Variants in KCNIP4 observed in about 807,000 individuals in gnomAD.
KCNIP4 encodes the protein Kv channel-interacting protein 4.
In KCNIP4, 12 loss-of-function variants were observed where a neutral mutation model predicts 34.0. That is an observed-to-expected ratio of 0.35 (90% confidence interval 0.23 to 0.57). The LOEUF is 0.57. Among genes scored for constraint, KCNIP4 ranks in the 20% least tolerant of loss-of-function variants. The pLI is 0.83. For synonymous variants in KCNIP4, 124 were observed against 102.2 expected, an observed-to-expected ratio of 1.21 and a Z score of -1.29; for missense variants, 238 against 311.7, an observed-to-expected ratio of 0.76 and a Z score of 1.78.
At chr4:21,393,448 AG>A (rs992238936) in intron 1 of KCNIP4, among the ~76,000 whole-genome samples, 1 of 152,174 alleles carries the variant, frequency 6.6e-6, no homozygotes, top group African/African-American at 2.4e-5. Context: ...ATAACTATGC[AG>A]GGGTGGCACC....
At chr4:20,930,265 T>C (rs565561553) in intron 1 of KCNIP4, among the ~76,000 whole-genome samples, 4 of 152,166 alleles carry the variant, frequency 2.6e-5, no homozygotes, top group African/African-American at 9.6e-5. Flanking sequence ...GAAGTAAAGA[T>C]AGTTTCTTCA....
intron 1 of KCNIP4, among the ~76,000 whole-genome samples, chr4:21,145,869 T>C (rs1445405809): frequency 6.6e-6 from 1 of 152,198 alleles, no homozygotes; most frequent in African/African-American, 2.4e-5. Context: ...ACTAGCCTCT[T>C]AGCTCAAAGG....
At chr4:21,935,962 T>TTA (rs55704216) in intron 1 of KCNIP4, among the ~76,000 whole-genome samples, 1,710 of 147,702 alleles carry the variant, frequency 0.012, 14 homozygotes, top group South Asian at 0.029. Flanking sequence ...GAAATGAAGA[T>TTA]TATATATATA....
At chr4:21,851,994 A>ATGTGTGTGTGTG (rs79897355) in intron 1 of KCNIP4, 84 of 150,556 alleles carry the variant, frequency 5.6e-4, no homozygotes, top group African/African-American at 1.9e-3. Flanking sequence ...AATTCAATTA[A>ATGTGTGTGTGTG]TATGTGTGTG....
At position 21,528,800 on chromosome 4, in the gene KCNIP4, AAAGGAAGGAAGGAAGG is replaced by A. The variant is rs1157389642; in HGVS notation, c.61+419755_61+419770del. Among the ~76,000 whole-genome samples the A allele has an allele frequency of 3.2e-4, 8 of 25,082 alleles. 2 individuals are homozygous for A. Among genetic ancestry groups the A allele is most frequent in the African/African-American group, 1.2e-3 (8 of 6,402 alleles). The allele number at this position is 25,082 out of a possible 152,430, so 16.5% of individuals were successfully genotyped here. A position where few individuals can be genotyped will look rare whatever the true frequency, so the allele number is the denominator to read the frequency against. On this transcript the variant is annotated intron_variant, in intron 1 of 8. Transcript: ENST00000382152. ...GAAAGGAAGAAAGGAAGAAAGGAAG[AAAGGAAGGAAGGAAGG>A]AAGGAAGGAAGGAAGGAAGGAAGGA...
intron 3 of KCNIP4, among the ~76,000 whole-genome samples, chr4:20,811,514 T>TGTGC (rs1715759511): frequency 3.7e-5 from 3 of 80,662 alleles, no homozygotes; most frequent in African/African-American, 7.3e-5. Context: ...TGTGTGTGTG[T>TGTGC]GCGCGCGCGC....
chr4:21,048,903 G>T (rs1188921429), intron 1 of KCNIP4, among the ~76,000 whole-genome samples: 2 of 147,986 alleles, frequency 1.4e-5, no homozygotes, highest in Non-Finnish European at 3.0e-5. Context: ...GAGAGAGAGA[G>T]ATCTAAACAA....
chr4:21,722,330 A>T (rs1226595423), intron 1 of KCNIP4, among the ~76,000 whole-genome samples: 1 of 152,054 alleles, frequency 6.6e-6, no homozygotes, highest in African/African-American at 2.4e-5. Flanking sequence ...GGCGGGGGAG[A>T]TAGGGAAGAA....
chr4:21,343,925 G>A (rs536692916), intron 1 of KCNIP4, among the ~76,000 whole-genome samples: 6 of 152,160 alleles, frequency 3.9e-5, no homozygotes, highest in Admixed American at 3.9e-4. Flanking sequence ...TAGATGCTAT[G>A]AGACCCATTT....
At chr4:21,561,175 A>T (rs1739463134) in intron 1 of KCNIP4, among the ~76,000 whole-genome samples, 1 of 152,012 alleles carries the variant, frequency 6.6e-6, no homozygotes, top group Admixed American at 6.6e-5. Context: ...GAAGAAATAC[A>T]GATTATTAAG....
intron 1 of KCNIP4, among the ~76,000 whole-genome samples, chr4:21,776,332 GT>G (rs1026883829): frequency 4.7e-5 from 7 of 149,246 alleles, no homozygotes; most frequent in East Asian, 2.0e-4. Context: ...ACTTACTATG[GT>G]TTTTTTTTTC....
intron 1 of KCNIP4, among the ~76,000 whole-genome samples, chr4:21,448,926 C>T (rs1017061766): frequency 5.9e-5 from 9 of 152,166 alleles, no homozygotes; most frequent in African/African-American, 9.7e-5. Flanking sequence ...TGGACTGAAA[C>T]GGAGAGAGAC....
intron 1 of KCNIP4, among the ~76,000 whole-genome samples, chr4:21,036,846 T>C (rs1190457861): frequency 6.6e-6 from 1 of 152,246 alleles, no homozygotes; most frequent in East Asian, 1.9e-4. Flanking sequence ...TGTATGATGA[T>C]GGTCCCATAA....
At chr4:21,508,183 A>G (rs1197200678) in intron 1 of KCNIP4, among the ~76,000 whole-genome samples, 4 of 152,188 alleles carry the variant, frequency 2.6e-5, no homozygotes, top group African/African-American at 4.8e-5. Context: ...TAAGGATGCA[A>G]CTCTCAAAGG....
intron 1 of KCNIP4, among the ~76,000 whole-genome samples, chr4:21,184,364 T>C (rs2109331217): frequency 6.6e-6 from 1 of 152,346 alleles, no homozygotes; most frequent in South Asian, 2.1e-4. Flanking sequence ...TGCTGAATTC[T>C]CTAGCATCTA....
In KCNIP4 at chr4:21,269,381, T is replaced by G. The variant is rs78790427; in HGVS notation, c.62-386672A>C. On this transcript the variant is annotated intron_variant, in intron 1 of 8. Coordinates refer to ENST00000382152, the MANE Select transcript of KCNIP4 (RefSeq NM_025221.6). ...GTCTCTATGTTTTTCACTGACTCCT[T>G]AATTTCCAGCTTGTTTTATTTATTT... Among the ~76,000 whole-genome samples the G allele has an allele frequency of 2.0e-3, 297 of 152,224 alleles. 2 individuals carry two copies. The highest frequency in any genetic ancestry group is 6.4e-3 in the African/African-American group (264 of 41,540).
At chr4:21,268,016 A>T (rs1165823580) in intron 1 of KCNIP4, among the ~76,000 whole-genome samples, 1 of 152,156 alleles carries the variant, frequency 6.6e-6, no homozygotes, top group African/African-American at 2.4e-5. Flanking sequence ...GATTATTGCC[A>T]CAATATCAGA....
chr4:20,896,739 G>A (rs1477776557), intron 1 of KCNIP4, among the ~76,000 whole-genome samples: 1 of 152,144 alleles, frequency 6.6e-6, no homozygotes, highest in Non-Finnish European at 1.5e-5. Context: ...CCAGTTTGTG[G>A]AAATTTGTTA....
At chr4:21,560,708 C>T (rs1739434911) in intron 1 of KCNIP4, among the ~76,000 whole-genome samples, 1 of 151,960 alleles carries the variant, frequency 6.6e-6, no homozygotes, top group Non-Finnish European at 1.5e-5. Context: ...AGCAATGAAA[C>T]CATTTGGGGT....
Sources: allele counts gnomAD v4.1 joint callset (sites outside exome capture counted in the v4.1 genomes callset), GRCh38; gene constraint gnomAD v4.1.1; transcripts MANE v1.5; gene names NCBI Gene and HGNC (gene_info 2026-07-23, HGNC 2026-07-21).